The following SMAP1 variants were observed in gnomAD, a reference collection of about 807,000 sequenced individuals.
SMAP1 encodes small ArfGAP 1, also known as stromal membrane-associated protein 1.
Under a neutral mutation model 58.5 loss-of-function variants are expected in SMAP1, and 24 were observed. The observed-to-expected ratio is 0.41, with a 90% CI of 0.30 to 0.58. The LOEUF is 0.58. SMAP1 is among the 20% of genes least tolerant of loss of function. The pLI is 0.29. For missense variants in SMAP1, 563 were observed against 566.3 expected (o/e 0.99, Z 0.06); for synonymous variants, 216 against 196.6 (o/e 1.10, Z -0.82).
chr6:70,680,005 T>A (rs1306168031), intron 1 of SMAP1, among the ~76,000 whole-genome samples: 2 of 152,172 alleles, frequency 1.3e-5, no homozygotes. Flanking sequence ...TAGTTATCTG[T>A]GGAACATAAT....
intron 1 of SMAP1, among the ~76,000 whole-genome samples, chr6:70,712,145 G>A (rs1768081388): frequency 6.6e-6 from 1 of 152,178 alleles, no homozygotes; most frequent in South Asian, 2.1e-4. Flanking sequence ...ATGAAAAGAT[G>A]TGGAACTTTT....
At position 70,861,784 on chromosome 6, in the gene SMAP1, C is replaced by G; in HGVS notation, c.*1450C>G. ...AAGGAAATAGCTTGGGTAGCGCACT[C>G]TTCATGGTGACACTCGAGGTCGGGC... On this transcript the variant is annotated 3_prime_UTR_variant, in exon 11 of 11. Transcript: ENST00000370455. 1.2e-6 allele frequency: 2 copies of G among 1,614,034 alleles called. No homozygotes were observed. The highest frequency in any genetic ancestry group is 1.7e-6 in the Non-Finnish European group (2 of 1,179,940).
Position 70,852,532 on chromosome 6 carries a change from C to T in SMAP1, c.665-8C>T, listed in dbSNP as rs1377874654. The T allele has an allele frequency of 1.3e-6, 2 of 1,554,694 alleles. No individual in the cohort carries two copies. The highest frequency in any genetic ancestry group is 1.7e-6 in the Non-Finnish European group (2 of 1,153,356). On this transcript the variant is annotated splice_region_variant and splice_polypyrimidine_tract_variant and intron_variant, in intron 7 of 10. Coordinates refer to ENST00000370455, the MANE Select transcript of SMAP1 (RefSeq NM_001044305.3). ...CTACGTTAAGACGAGAATCTATATT[C>T]TTTTCAGATGGCCCTGCTGTGGCAC...
intron 7 of SMAP1, among the ~76,000 whole-genome samples, chr6:70,840,006 A>G (rs188855616): frequency 6.6e-5 from 10 of 152,242 alleles, no homozygotes; most frequent in Admixed American, 3.3e-4. Flanking sequence ...CTCTCCTCCA[A>G]TGGGACCCTG....
At chr6:70,734,812 C>G (rs144082010) in intron 2 of SMAP1, 77 of 153,510 alleles carry the variant, frequency 5.0e-4, no homozygotes, top group African/African-American at 1.6e-3. Flanking sequence ...TTATGAAAGA[C>G]CTGTGCTTGG....
chr6:70,840,043 C>T (rs552447510), intron 7 of SMAP1, among the ~76,000 whole-genome samples: 4 of 152,142 alleles, frequency 2.6e-5, no homozygotes, highest in East Asian at 1.9e-4. Flanking sequence ...TGAAACACAG[C>T]GGGGATTGGG....
intron 1 of SMAP1, among the ~76,000 whole-genome samples, chr6:70,670,470 G>T (rs1581970236): frequency 6.6e-6 from 1 of 152,154 alleles, no homozygotes; most frequent in African/African-American, 2.4e-5. Context: ...TGAGTATTTG[G>T]TAAGGTTGAA....
At chr6:70,791,550 A>C (rs1768352846) in intron 4 of SMAP1, 139 bp from the exon 5 acceptor site, 1 of 578,094 alleles carries the variant, frequency 1.7e-6, no homozygotes, top group African/African-American at 1.9e-5. Context: ...TTCTTGATGC[A>C]TTGTTTTACT....
chr6:70,736,533 A>C lies in SMAP1; in HGVS notation c.252+4022A>C, dbSNP rs190709682. Among the ~76,000 whole-genome samples, 41 of 152,342 alleles carry C rather than the reference A, an allele frequency of 2.7e-4. No individual in the cohort carries two copies. In the East Asian group the frequency reaches 6.7e-3, roughly 25 times the overall value. On this transcript the variant is annotated intron_variant, in intron 2 of 10. Coordinates refer to ENST00000370455, the MANE Select transcript of SMAP1 (RefSeq NM_001044305.3). Reference sequence around the variant, plus strand: ...AAACAAGGATTTATGAAATTGTTTCAGTATGGAAATTTGGTCTATAGTGAT... The same window carrying C: ...AAACAAGGATTTATGAAATTGTTTCCGTATGGAAATTTGGTCTATAGTGAT...
chr6:70,669,706 G>C (rs936172144), intron 1 of SMAP1, among the ~76,000 whole-genome samples: 6 of 152,174 alleles, frequency 3.9e-5, no homozygotes, highest in Non-Finnish European at 8.8e-5. Flanking sequence ...AAGCTAAATA[G>C]TACACATTTT....
At chr6:70,759,680 G>A (rs1457020722) in intron 3 of SMAP1, 1 of 276,416 alleles carries the variant, frequency 3.6e-6, no homozygotes, top group Non-Finnish European at 7.5e-6. Context: ...GAGCTAAAGT[G>A]CTAATGAGAT....
At chr6:70,669,179 T>C (rs1365388210) in intron 1 of SMAP1, among the ~76,000 whole-genome samples, 1 of 152,212 alleles carries the variant, frequency 6.6e-6, no homozygotes, top group Non-Finnish European at 1.5e-5. Context: ...TTGGTTTATT[T>C]CGTTATTGGG....
intron 6 of SMAP1, among the ~76,000 whole-genome samples, chr6:70,811,245 T>C (rs1218162111): frequency 3.3e-5 from 5 of 152,204 alleles, no homozygotes; most frequent in African/African-American, 7.2e-5. Flanking sequence ...ACCTACTACA[T>C]GCCAAGTGCT....
At chr6:70,806,236 A>C (rs1329765964) in intron 6 of SMAP1, among the ~76,000 whole-genome samples, 2 of 152,184 alleles carry the variant, frequency 1.3e-5, no homozygotes, top group African/African-American at 4.8e-5. Flanking sequence ...TCCCCTGCCC[A>C]GCTGCGGCTT....
At chr6:70,776,935 A>G (rs1767571434) in intron 4 of SMAP1, among the ~76,000 whole-genome samples, 1 of 152,232 alleles carries the variant, frequency 6.6e-6, no homozygotes, top group Non-Finnish European at 1.5e-5. Context: ...TATTGTGAAT[A>G]GAGCTGCAGT....
chr6:70,690,586 C>T (rs1056681603), intron 1 of SMAP1, among the ~76,000 whole-genome samples: 1 of 151,782 alleles, frequency 6.6e-6, no homozygotes, highest in Non-Finnish European at 1.5e-5. Flanking sequence ...GATTACAGGC[C>T]ACCCGGCCGG....
chr6:70,782,417 C>T (rs533269977), intron 4 of SMAP1, among the ~76,000 whole-genome samples: 1 of 152,198 alleles, frequency 6.6e-6, no homozygotes, highest in South Asian at 2.1e-4. Context: ...AGATGGTGAA[C>T]CGAATAGAAA....
At chr6:70,765,066 G>A (rs886070151) in intron 3 of SMAP1, among the ~76,000 whole-genome samples, 1 of 152,204 alleles carries the variant, frequency 6.6e-6, no homozygotes, top group African/African-American at 2.4e-5. Flanking sequence ...CTCCCAAAGT[G>A]CTGGGATTAC....
intron 6 of SMAP1, among the ~76,000 whole-genome samples, chr6:70,816,640 G>C (rs1769640906): frequency 6.6e-6 from 1 of 152,116 alleles, no homozygotes; most frequent in South Asian, 2.1e-4. Flanking sequence ...TGTATGTCCA[G>C]CACTGGGGAT....
Sources: gnomAD v4.1 joint callset for allele counts (sites outside exome capture counted in the v4.1 genomes callset) on GRCh38, gnomAD v4.1.1 for gene constraint, MANE v1.5 for transcripts, NCBI Gene and HGNC (gene_info 2026-07-23, HGNC 2026-07-21) for gene names.